NTM: variants seen among roughly 807,000 people sequenced by gnomAD.
NTM encodes IgLON family member 2.
NTM carries 13 observed loss-of-function variants against 42.1 expected under a neutral mutation model. The observed-to-expected ratio is 0.31, with a 90% CI of 0.20 to 0.49. The LOEUF is 0.49. Ranked by LOEUF, NTM falls within the 20% of genes least tolerant of loss-of-function variation. The probability of loss-of-function intolerance (pLI) is 0.99; values close to 1 mark genes in which losing one functional copy is unlikely to be tolerated. For missense variants in NTM, 373 were observed against 452.8 expected (o/e 0.82, Z 1.60); for synonymous variants, 187 against 179.2 (o/e 1.04, Z -0.35).
At chr11:131,968,122 C>T (rs922037704) in intron 2 of NTM, among the ~76,000 whole-genome samples, 3 of 152,168 alleles carry the variant, frequency 2.0e-5, no homozygotes, top group Admixed American at 1.3e-4. Flanking sequence ...ATACAATTAT[C>T]ACAATGCACT....
chr11:131,422,021 A>G (rs1591622198), intron 1 of NTM, among the ~76,000 whole-genome samples: 1 of 152,200 alleles, frequency 6.6e-6, no homozygotes, highest in East Asian at 1.9e-4. Context: ...CGTGGATGGA[A>G]TAACACTGAG....
intron 2 of NTM, among the ~76,000 whole-genome samples, chr11:131,996,019 A>T (rs2067943390): frequency 6.6e-6 from 1 of 152,164 alleles, no homozygotes; most frequent in African/African-American, 2.4e-5. Context: ...AACAAATGTC[A>T]GTTTCAAGCT....
In NTM at chr11:131,575,337, A is replaced by C. The variant is rs115824725; in HGVS notation, c.82+204449A>C. 9.9e-3 allele frequency among the ~76,000 whole-genome samples: 1,513 copies of C among 152,296 alleles called. 26 individuals carry two copies. Among genetic ancestry groups the C allele is most frequent in the African/African-American group, 0.033 (1,384 of 41,572 alleles). On this transcript the variant is annotated intron_variant, in intron 1 of 8. Transcript: ENST00000683400. ...CATTAAACCTTTCTTCCAAAAGTAC[A>C]CTTACAGTATATGTCTTTGGGCCTA... is the stretch of plus-strand genomic sequence containing the variant.
chr11:131,622,415 C>G (rs1259178719), intron 1 of NTM, among the ~76,000 whole-genome samples: 1 of 152,206 alleles, frequency 6.6e-6, no homozygotes, highest in African/African-American at 2.4e-5. Flanking sequence ...GACAGCCGCT[C>G]ATTTGTATGC....
intron 4 of NTM, among the ~76,000 whole-genome samples, chr11:132,266,273 C>T (rs1044462651): frequency 6.6e-6 from 1 of 152,182 alleles, no homozygotes; most frequent in Non-Finnish European, 1.5e-5. Flanking sequence ...GTCGCCCAGT[C>T]TCCCAGGCAG....
intron 1 of NTM, among the ~76,000 whole-genome samples, chr11:131,656,751 C>T (rs894500334): frequency 2.0e-5 from 3 of 152,136 alleles, no homozygotes; most frequent in Non-Finnish European, 4.4e-5. Context: ...TTTTTCTTTT[C>T]TTGGAGGCCC....
intron 3 of NTM, among the ~76,000 whole-genome samples, chr11:132,156,724 A>C (rs2073267053): frequency 1.3e-5 from 2 of 152,232 alleles, no homozygotes; most frequent in Admixed American, 6.5e-5. Context: ...AGGCTGAATA[A>C]TGTCCAAACA....
chr11:131,608,585 G>A (rs544150089), intron 1 of NTM, among the ~76,000 whole-genome samples: 2 of 152,304 alleles, frequency 1.3e-5, no homozygotes, highest in South Asian at 2.1e-4. Flanking sequence ...GCCTTAATCA[G>A]ATGTGCATGA....
At chr11:131,971,888 CA>C (rs371009527) in intron 2 of NTM, among the ~76,000 whole-genome samples, 1 of 150,788 alleles carries the variant, frequency 6.6e-6, no homozygotes, top group Non-Finnish European at 1.5e-5. Flanking sequence ...ACTAAAAATA[CA>C]AAAAAAATTA....
At chr11:132,030,999 C>G (rs556629455) in intron 2 of NTM, among the ~76,000 whole-genome samples, 1 of 152,164 alleles carries the variant, frequency 6.6e-6, no homozygotes, top group Non-Finnish European at 1.5e-5. Context: ...GCTACTCACC[C>G]AGACCTGGTT....
intron 1 of NTM, among the ~76,000 whole-genome samples, chr11:131,692,634 T>G (rs1386708594): frequency 1.3e-5 from 2 of 152,212 alleles, no homozygotes; most frequent in Non-Finnish European, 2.9e-5. Context: ...AATGCAGCCA[T>G]ATAAAACTGT....
intron 1 of NTM, among the ~76,000 whole-genome samples, chr11:131,740,931 G>T (rs2081100079): frequency 6.6e-6 from 1 of 152,142 alleles, no homozygotes; most frequent in African/African-American, 2.4e-5. Flanking sequence ...ACTTTGGGAG[G>T]CCGAGGCGTA....
rs369279124 is a variant in NTM at position 132,157,132 on chromosome 11, G to T, written c.400+10618G>T. Among the ~76,000 whole-genome samples the T allele has an allele frequency of 7.2e-5, 11 of 152,232 alleles. No homozygotes were observed. The East Asian group carries it at 9.7e-4, about 13-fold the overall frequency. ...ACGTCTCACCTCCAGAATCATCAAA[G>T]AATCAATTTCTCTTGTTTGTTAAGC... On this transcript the variant is annotated intron_variant, in intron 3 of 8. Coordinates refer to ENST00000683400, the MANE Select transcript of NTM (RefSeq NM_001352005.2).
chr11:131,588,458 G>A (rs1233523938), intron 1 of NTM, among the ~76,000 whole-genome samples: 1 of 152,228 alleles, frequency 6.6e-6, no homozygotes, highest in African/African-American at 2.4e-5. Flanking sequence ...GTCAGTACTA[G>A]TGTGCCATGG....
At chr11:132,325,107 T>C (rs888460203) in intron 7 of NTM, among the ~76,000 whole-genome samples, 3 of 152,052 alleles carry the variant, frequency 2.0e-5, no homozygotes, top group Non-Finnish European at 2.9e-5. Flanking sequence ...GACATAGGCG[T>C]GGGCAAGGAC....
intron 4 of NTM, among the ~76,000 whole-genome samples, chr11:132,254,194 C>T (rs2092267760): frequency 6.6e-6 from 1 of 152,152 alleles, no homozygotes; most frequent in Non-Finnish European, 1.5e-5. Flanking sequence ...GTGTGTTCTA[C>T]TGAGCACCCG....
chr11:132,056,665 C>T (rs1023476793), intron 2 of NTM, among the ~76,000 whole-genome samples: 4 of 152,306 alleles, frequency 2.6e-5, no homozygotes, highest in African/African-American at 7.2e-5. Flanking sequence ...TAAAATTATG[C>T]TTCTGTCTTT....
rs1423555329 is a variant in NTM, at chr11:132,106,524, C to A, written c.168-39758C>A. Among the ~76,000 whole-genome samples, 4 of 152,312 alleles carry A rather than the reference C, an allele frequency of 2.6e-5. No homozygotes were observed. In the East Asian group the frequency reaches 5.8e-4, roughly 22 times the overall value. The stretch of plus-strand genomic sequence containing the variant: ...CCACGTGACCACGCCAAAGGAGCTG[C>A]CAAGAACAGGAGATTAGTAAACAAA... On this transcript the variant is annotated intron_variant, in intron 2 of 8. Transcript: ENST00000683400.
intron 1 of NTM, among the ~76,000 whole-genome samples, chr11:131,608,151 G>GT (rs1446658230): frequency 2.0e-5 from 3 of 152,100 alleles, no homozygotes; most frequent in Admixed American, 6.6e-5. Flanking sequence ...GCAGTGTGTG[G>GT]TTTTTTATCC....
Sources: gnomAD v4.1 joint callset for allele counts (sites outside exome capture counted in the v4.1 genomes callset) on GRCh38, gnomAD v4.1.1 for gene constraint, MANE v1.5 for transcripts, NCBI Gene and HGNC (gene_info 2026-07-23, HGNC 2026-07-21) for gene names.